RELN: variants seen among roughly 807,000 people sequenced by gnomAD.
RELN encodes the protein reelin.
A neutral mutation model predicts 427.6 loss-of-function variants in RELN; 108 were observed. The ratio of observed to expected loss-of-function variants is 0.25; its 90% CI spans 0.22 to 0.30. The LOEUF (loss-of-function observed/expected upper bound fraction) is 0.30. RELN is among the 10% of genes least tolerant of loss of function. RELN has a pLI of 1.00. For missense variants in RELN, 3,715 were observed against 4,302.8 expected, an observed-to-expected ratio of 0.86 and a Z score of 3.82; for synonymous variants, 1,524 against 1,513.4, an observed-to-expected ratio of 1.01 and a Z score of -0.16.
At chr7:103,540,790 G>A (rs1830160905) in intron 43 of RELN, among the ~76,000 whole-genome samples, 3 of 152,204 alleles carry the variant, frequency 2.0e-5, no homozygotes, top group African/African-American at 4.8e-5. Context: ...TTGAGTGTGG[G>A]AGTGTGTGTT....
intron 56 of RELN, 85 bp downstream of exon 56, chr7:103,496,441 T>G: frequency 1.9e-6 from 3 of 1,566,142 alleles, no homozygotes; most frequent in Non-Finnish European, 2.6e-6. Flanking sequence ...CTCTTATAAA[T>G]GCTTTTCATG....
At chr7:103,896,429 T>C (rs958832331) in intron 2 of RELN, among the ~76,000 whole-genome samples, 2 of 152,042 alleles carry the variant, frequency 1.3e-5, no homozygotes, top group Non-Finnish European at 2.9e-5. Flanking sequence ...AGCAGGAGGA[T>C]GGAAGAACAA....
chr7:103,529,832 G>A (rs1171919393), intron 46 of RELN, among the ~76,000 whole-genome samples: 1 of 152,084 alleles, frequency 6.6e-6, no homozygotes, highest in African/African-American at 2.4e-5. Flanking sequence ...GAAAAATCCA[G>A]TAAAGTTTTT....
intron 3 of RELN, among the ~76,000 whole-genome samples, chr7:103,813,967 C>T (rs1005948138): frequency 1.3e-5 from 2 of 152,144 alleles, no homozygotes; most frequent in Non-Finnish European, 2.9e-5. Flanking sequence ...ATGGACCCCA[C>T]ATGACGGTAT....
intron 8 of RELN, among the ~76,000 whole-genome samples, chr7:103,718,027 T>G (rs1326848791): frequency 1.3e-5 from 2 of 152,150 alleles, no homozygotes; most frequent in Non-Finnish European, 1.5e-5. Flanking sequence ...CTTTTACAAG[T>G]GACATTTTAT....
At chr7:103,502,094 C>T (rs1829049610) in intron 52 of RELN, among the ~76,000 whole-genome samples, 1 of 152,308 alleles carries the variant, frequency 6.6e-6, no homozygotes, top group South Asian at 2.1e-4. Flanking sequence ...TACAAATCAA[C>T]CAGCCCTAGA....
At chr7:103,697,693 C>T (rs1413901209) in intron 10 of RELN, among the ~76,000 whole-genome samples, 160 bp downstream of exon 10, 1 of 152,116 alleles carries the variant, frequency 6.6e-6, no homozygotes, top group Non-Finnish European at 1.5e-5. Flanking sequence ...AATGACTTTC[C>T]ATCCTTAAAA....
intron 1 of RELN, among the ~76,000 whole-genome samples, chr7:103,944,688 G>A (rs981773587): frequency 6.6e-5 from 10 of 152,162 alleles, no homozygotes; most frequent in Non-Finnish European, 1.3e-4. Context: ...AGAGCAGTAG[G>A]TTGCCAGGTC....
chr7:103,914,059 T>A (rs1303913680), intron 2 of RELN, among the ~76,000 whole-genome samples: 1 of 152,176 alleles, frequency 6.6e-6, no homozygotes, highest in Non-Finnish European at 1.5e-5. Flanking sequence ...CTAGGTGCAA[T>A]TCAGGCTAAT....
At chr7:103,556,832 A>C (rs1424290405) in intron 38 of RELN, 145 bp downstream of exon 38, 4 of 770,904 alleles carry the variant, frequency 5.2e-6, no homozygotes, top group African/African-American at 3.4e-5. Flanking sequence ...GGACTAATAC[A>C]TTTGTCAAAA....
At chr7:103,553,110 G>A (rs1007896935) in intron 40 of RELN, among the ~76,000 whole-genome samples, 12 of 152,078 alleles carry the variant, frequency 7.9e-5, no homozygotes, top group African/African-American at 2.9e-4. Flanking sequence ...ATAGACTATA[G>A]TTACATTGAC....
intron 1 of RELN, among the ~76,000 whole-genome samples, chr7:103,937,342 T>C (rs974878031): frequency 6.6e-6 from 1 of 152,246 alleles, no homozygotes; most frequent in Non-Finnish European, 1.5e-5. Context: ...AGACATGTTT[T>C]GTTGGGATAG....
chr7:103,509,776 A>G (rs1047920180), intron 51 of RELN, among the ~76,000 whole-genome samples: 2 of 151,442 alleles, frequency 1.3e-5, no homozygotes, highest in African/African-American at 2.4e-5. Context: ...TCCAGAATCT[A>G]CAAAGACCTT....
Position 103,665,231 on chromosome 7 carries a change from C to T in RELN, c.1290-3704G>A, listed in dbSNP as rs142300717. Among the ~76,000 whole-genome samples the T allele has an allele frequency of 7.4e-3, 1,126 of 152,084 alleles. 8 individuals are homozygous for T. Among genetic ancestry groups the T allele is most frequent in the Non-Finnish European group, 0.011 (747 of 67,990 alleles). ...ATGCCACTTCTGTCACATAACAATC[C>T]CCTATAAACGTGAGTCTGTTTCTAC... On this transcript the variant is annotated intron_variant, in intron 11 of 64. Coordinates refer to ENST00000428762, the MANE Select transcript of RELN (RefSeq NM_005045.4).
intron 22 of RELN, among the ~76,000 whole-genome samples, chr7:103,609,791 A>G (rs1831906689): frequency 6.6e-6 from 1 of 152,206 alleles, no homozygotes; most frequent in Non-Finnish European, 1.5e-5. Flanking sequence ...TTCTTTTTAC[A>G]AAAGAGCGAT....
chr7:103,881,784 C>A (rs1010897585), intron 2 of RELN, among the ~76,000 whole-genome samples: 1 of 152,022 alleles, frequency 6.6e-6, no homozygotes, highest in African/African-American at 2.4e-5. Context: ...AGAAGCCCTG[C>A]CCAAAGTAAA....
chr7:103,700,846 C>T, intron 9 of RELN, 64 bp downstream of exon 9: 1 of 962,314 alleles, frequency 1.0e-6, no homozygotes, highest in South Asian at 1.3e-5. Flanking sequence ...GGATTGAAGG[C>T]ATATAGGAGA....
chr7:103,559,662 A>T (rs1377909694), intron 36 of RELN, among the ~76,000 whole-genome samples: 1 of 151,946 alleles, frequency 6.6e-6, no homozygotes, highest in African/African-American at 2.4e-5. Context: ...ACAAACTCGA[A>T]CTCCTGGCCT....
chr7:103,496,474 A>G, intron 56 of RELN, 52 bp downstream of exon 56: 1 of 1,612,834 alleles, frequency 6.2e-7, no homozygotes, highest in Non-Finnish European at 8.5e-7. Flanking sequence ...TGAAGACATA[A>G]GCAGAAAAAT....
Sources: gnomAD v4.1 joint callset for allele counts (sites outside exome capture counted in the v4.1 genomes callset) on GRCh38, gnomAD v4.1.1 for gene constraint, MANE v1.5 for transcripts, NCBI Gene and HGNC (gene_info 2026-07-23, HGNC 2026-07-21) for gene names.